KMT2C: variants seen among roughly 807,000 people sequenced by gnomAD.
The protein encoded by KMT2C is histone-lysine N-methyltransferase 2C.
In KMT2C, 88 loss-of-function variants were observed where a neutral mutation model predicts 507.9. The ratio of observed to expected loss-of-function variants is 0.17; its 90% CI spans 0.15 to 0.21. The LOEUF (loss-of-function observed/expected upper bound fraction) is 0.21. Among genes scored for constraint, KMT2C ranks in the 10% least tolerant of loss-of-function variants. The pLI is 1.00. For synonymous variants in KMT2C, 2,049 were observed against 2,080.8 expected, an observed-to-expected ratio of 0.98 and a Z score of 0.42; for missense variants, 4,954 against 5,957.8, an observed-to-expected ratio of 0.83 and a Z score of 5.55.
At chr7:152,202,022 G>A (rs1161896671) in intron 26 of KMT2C, among the ~76,000 whole-genome samples, 7 of 152,180 alleles carry the variant, frequency 4.6e-5, no homozygotes, top group Admixed American at 3.9e-4. Flanking sequence ...CTAGTTGAAA[G>A]GCAATGTATT....
chr7:152,171,823 G>T (rs1430874310), intron 39 of KMT2C, among the ~76,000 whole-genome samples: 1 of 152,132 alleles, frequency 6.6e-6, no homozygotes. Flanking sequence ...TAAAACAAAA[G>T]ACATTTCCCA....
intron 6 of KMT2C, among the ~76,000 whole-genome samples, chr7:152,298,822 A>G (rs1391091012): frequency 6.6e-6 from 1 of 152,242 alleles, no homozygotes; most frequent in Non-Finnish European, 1.5e-5. Flanking sequence ...TAACATATAT[A>G]AAAGTCAAAT....
chr7:152,275,413 G>A (rs1451519701), intron 6 of KMT2C, among the ~76,000 whole-genome samples: 1 of 152,194 alleles, frequency 6.6e-6, no homozygotes, highest in South Asian at 2.1e-4. Flanking sequence ...ACGTGGTGGC[G>A]GGCGCCTGTA....
chr7:152,315,100 CTT>C (rs1165554478), intron 4 of KMT2C, 36 bp downstream of exon 4: 27 of 1,503,086 alleles, frequency 1.8e-5, no homozygotes, highest in Non-Finnish European at 2.4e-5. Flanking sequence ...TATATGCAGT[CTT>C]AATCTATTCC....
rs200256604 is a variant in KMT2C at position 152,249,866 on chromosome 7, T to A, written c.1813+10A>T. 3.7e-4 allele frequency: 559 copies of A among 1,517,390 alleles called. 4 individuals carry two copies. The South Asian group carries it at 6.0e-3, about 16-fold the overall frequency. 94.0% of individuals were successfully genotyped at this position (1,517,390 alleles called of 1,614,324 possible). On this transcript the variant is annotated intron_variant, in intron 13 of 58. Transcript: ENST00000262189. Reference sequence around the variant, plus strand: ...TCAATCAAATTAGACAATATGAACATACTGCTTACCAGCAATAAGAAGACT... The same window carrying A: ...TCAATCAAATTAGACAATATGAACAAACTGCTTACCAGCAATAAGAAGACT...
rs2093260241 is a variant in KMT2C at position 152,177,615 on chromosome 7, T to C, written c.7838A>G (p.Gln2613Arg). The change falls in exon 38 of 59, where the codon CAG (glutamine) becomes CGG (arginine). Residue 2613 changes from glutamine to arginine, a missense_variant. By Grantham distance (43) the Gln-to-Arg change is conservative (BLOSUM62 1). Around this residue, in one of 29 missense-constraint regions of KMT2C, gnomAD observed 1,689 missense variants for 1,654.3 expected, o/e 1.02. Transcript: ENST00000262189. The stretch of plus-strand genomic sequence containing the variant: ...CACAGGTAGCTGATTAGGTAGACCC[T>C]GGGGAGGTCGTCGCATGGGGTCTGT... ...RHTDPMRRPP[Q>R]GLPNQLPVHP... The C allele has an allele frequency of 1.2e-6, 2 of 1,614,092 alleles. No individual in the cohort carries two copies.
At chr7:152,350,139 A>G (rs1182148688) in intron 2 of KMT2C, among the ~76,000 whole-genome samples, 1 of 152,108 alleles carries the variant, frequency 6.6e-6, no homozygotes, top group Non-Finnish European at 1.5e-5. Context: ...AGTCCCAGCT[A>G]CTCGGGAGGC....
At chr7:152,420,652 T>C (rs568965325) in intron 1 of KMT2C, among the ~76,000 whole-genome samples, 76 of 152,166 alleles carry the variant, frequency 5.0e-4, no homozygotes, top group Non-Finnish European at 7.8e-4. Flanking sequence ...CTGGCCAACA[T>C]GGTGAAACCC....
At chr7:152,198,101 A>AG (rs561248399) in intron 27 of KMT2C, among the ~76,000 whole-genome samples, 91 of 152,312 alleles carry the variant, frequency 6.0e-4, no homozygotes, top group Admixed American at 1.0e-3. Flanking sequence ...AAGGACCCAC[A>AG]GGTCTTTCAT....
chr7:152,276,540 C>A (rs1038992790), intron 6 of KMT2C, among the ~76,000 whole-genome samples: 1 of 151,966 alleles, frequency 6.6e-6, no homozygotes, highest in Non-Finnish European at 1.5e-5. Flanking sequence ...ATCATTTGAG[C>A]TCAGGAGTTA....
At chr7:152,283,620 C>A (rs534578841) in intron 6 of KMT2C, among the ~76,000 whole-genome samples, 4 of 152,276 alleles carry the variant, frequency 2.6e-5, no homozygotes, top group Admixed American at 2.6e-4. Context: ...ATGTAAAAAT[C>A]TAGTACATAT....
intron 6 of KMT2C, among the ~76,000 whole-genome samples, chr7:152,309,155 A>T (rs2096647135): frequency 6.6e-6 from 1 of 152,076 alleles, no homozygotes; most frequent in South Asian, 2.1e-4. Flanking sequence ...ATCATTATCA[A>T]ATAGTTTTGT....
At chr7:152,390,660 G>A (rs1019356770) in intron 1 of KMT2C, among the ~76,000 whole-genome samples, 4 of 152,044 alleles carry the variant, frequency 2.6e-5, no homozygotes, top group African/African-American at 9.7e-5. Flanking sequence ...CAGATTAAAT[G>A]GTCAAGGTCA....
intron 2 of KMT2C, among the ~76,000 whole-genome samples, chr7:152,343,450 G>GAAAAAAAAAA (rs200886066): frequency 1.4e-5 from 1 of 72,462 alleles, no homozygotes; most frequent in African/African-American, 4.6e-5. Flanking sequence ...AAAAGACTGG[G>GAAAAAAAAAA]AAAAAAAAAA....
At chr7:152,284,299 A>G (rs1291916771) in intron 6 of KMT2C, among the ~76,000 whole-genome samples, 2 of 152,114 alleles carry the variant, frequency 1.3e-5, no homozygotes, top group Non-Finnish European at 2.9e-5. Context: ...AAATAGACTC[A>G]CTTTTCCATA....
At chr7:152,358,727 AAGGCTT>A (rs1367678115) in intron 1 of KMT2C, 52 bp from the exon 2 acceptor site, 7 of 1,220,274 alleles carry the variant, frequency 5.7e-6, no homozygotes, top group Non-Finnish European at 8.3e-6. Context: ...GTTAAATTTT[AAGGCTT>A]AGACTTATAT....
intron 14 of KMT2C, among the ~76,000 whole-genome samples, chr7:152,244,526 A>G (rs2095438662): frequency 1.3e-5 from 2 of 152,244 alleles, no homozygotes; most frequent in South Asian, 2.1e-4. Flanking sequence ...CTATAAAAAA[A>G]TAAAAAATAT....
chr7:152,237,799 C>T (rs1240602224), intron 15 of KMT2C, among the ~76,000 whole-genome samples: 1 of 152,024 alleles, frequency 6.6e-6, no homozygotes, highest in Admixed American at 6.6e-5. Flanking sequence ...TGCGCCCGGC[C>T]GAGTTTGTTT....
intron 18 of KMT2C, among the ~76,000 whole-genome samples, chr7:152,227,716 G>A (rs193220027): frequency 2.0e-5 from 3 of 152,220 alleles, no homozygotes; most frequent in African/African-American, 7.2e-5. Flanking sequence ...AAGAGCTCCA[G>A]AAATCTACAA....
Sources: gnomAD v4.1 joint callset for allele counts (sites outside exome capture counted in the v4.1 genomes callset) on GRCh38, gnomAD v4.1.1 for gene constraint, gnomAD v4.1.1 regional missense constraint, MANE v1.5 for transcripts, NCBI Gene and HGNC (gene_info 2026-07-23, HGNC 2026-07-21) for gene names.